Variants in EPHA5 observed in about 807,000 individuals in gnomAD.
The protein encoded by EPHA5 is ephrin type-A receptor 5.
In EPHA5, 60 loss-of-function variants were observed where a neutral mutation model predicts 105.0. The observed-to-expected ratio is 0.57, with a 90% CI of 0.46 to 0.71. The LOEUF is 0.71. Among genes scored for constraint, EPHA5 ranks in the 30% least tolerant of loss-of-function variants. The probability of loss-of-function intolerance (pLI) is 0.00; values close to 1 mark genes in which losing one functional copy is unlikely to be tolerated. For synonymous variants in EPHA5, 513 were observed against 449.1 expected, an observed-to-expected ratio of 1.14 and a Z score of -1.80; for missense variants, 1,218 against 1,274.7, an observed-to-expected ratio of 0.96 and a Z score of 0.68.
intron 1 of EPHA5, among the ~76,000 whole-genome samples, chr4:65,667,537 G>A (rs570396220): frequency 6.6e-6 from 1 of 152,140 alleles, no homozygotes; most frequent in South Asian, 2.1e-4. Context: ...GACTAGATGA[G>A]GTAAGACAAT....
At chr4:65,386,023 A>G (rs759668377) in intron 8 of EPHA5, among the ~76,000 whole-genome samples, 4 of 151,896 alleles carry the variant, frequency 2.6e-5, no homozygotes, top group Admixed American at 6.6e-5. Flanking sequence ...GAGTACTCAC[A>G]TAAGTCTTTG....
In EPHA5 at chr4:65,332,123, G is replaced by A. The variant is rs776432090; in HGVS notation, c.2795C>T (p.Ser932Phe). The part of the protein sequence containing the change: ...KTLVNASCRV[S>F]NLLAEHSPLG... ...TGGGCTATGTTCTGCCAATAAATTA[G>A]ATACTCTAAAACACATAAAACATAA... is the stretch of plus-strand genomic sequence containing the variant. The change falls in exon 16 of 17, where the codon TCT becomes TTT. Residue 932 changes from serine to phenylalanine, a missense_variant. Ser to Phe is a radical substitution (Grantham distance 155). Transcript: ENST00000613740. 6.3e-7 allele frequency: 1 copy of A among 1,596,564 alleles called. No individual in the cohort carries two copies. The highest frequency in any genetic ancestry group is 8.5e-7 in the Non-Finnish European group (1 of 1,172,870).
At chr4:65,454,269 A>T (rs1727354735) in intron 5 of EPHA5, among the ~76,000 whole-genome samples, 1 of 151,864 alleles carries the variant, frequency 6.6e-6, no homozygotes, top group African/African-American at 2.4e-5. Context: ...GACAAGAGCA[A>T]AACTCCATCT....
rs1320378271 is a variant in EPHA5, at chr4:65,489,044, C to G, written c.1402+1333G>C. On this transcript the variant is annotated intron_variant, in intron 5 of 16. Transcript: ENST00000613740. The stretch of plus-strand genomic sequence containing the variant: ...GGGACTACAGGCACCCACCACCATG[C>G]CCGGCTAATTTTTTTTATTATTATT... Among the ~76,000 whole-genome samples the G allele has an allele frequency of 4.0e-5, 6 of 151,088 alleles. No individual in the cohort carries two copies. In the East Asian group the frequency reaches 1.2e-3, roughly 30 times the overall value.
intron 9 of EPHA5, among the ~76,000 whole-genome samples, chr4:65,366,971 A>T (rs898628348): frequency 6.6e-6 from 1 of 151,816 alleles, no homozygotes; most frequent in Admixed American, 6.6e-5. Flanking sequence ...CTAGAAGAAA[A>T]AAAAAACCTG....
rs1023056773 is a variant in EPHA5 at position 65,662,477 on chromosome 4, A to G, written c.181+7085T>C. ...ACTAAAACATAATTAGAATTATCAC[A>G]GACACTTTAATCCCAATTATTTAAT... On this transcript the variant is annotated intron_variant, in intron 1 of 16. Coordinates refer to ENST00000613740, the MANE Select transcript of EPHA5 (RefSeq NM_001281766.3). Among the ~76,000 whole-genome samples, 4 of 152,284 alleles carry G rather than the reference A, an allele frequency of 2.6e-5. No homozygotes were observed. In the East Asian group the frequency reaches 7.7e-4, roughly 29 times the overall value.
intron 8 of EPHA5, among the ~76,000 whole-genome samples, chr4:65,396,905 A>G (rs1417270222): frequency 3.9e-5 from 6 of 152,190 alleles, no homozygotes; most frequent in Non-Finnish European, 5.9e-5. Context: ...CTTTTACAAT[A>G]GGAATCAGAA....
chr4:65,496,016 A>G (rs1002280447), intron 3 of EPHA5, among the ~76,000 whole-genome samples: 1 of 152,196 alleles, frequency 6.6e-6, no homozygotes, highest in Non-Finnish European at 1.5e-5. Context: ...TGCCTCATGA[A>G]TTCTGTTAGA....
chr4:65,590,639 A>G (rs975279240), intron 3 of EPHA5, among the ~76,000 whole-genome samples: 1 of 152,166 alleles, frequency 6.6e-6, no homozygotes, highest in Non-Finnish European at 1.5e-5. Context: ...TATGAGTAGC[A>G]TAAATTGGAG....
At chr4:65,656,675 G>C (rs1749094148) in intron 1 of EPHA5, among the ~76,000 whole-genome samples, 1 of 150,028 alleles carries the variant, frequency 6.7e-6, no homozygotes, top group East Asian at 2.0e-4. Flanking sequence ...GTGAAGAGGA[G>C]TGATCAGGGC....
chr4:65,406,720 T>C (rs1260878471), intron 7 of EPHA5, among the ~76,000 whole-genome samples: 2 of 152,138 alleles, frequency 1.3e-5, no homozygotes, highest in Non-Finnish European at 2.9e-5. Flanking sequence ...AATCCTTTCA[T>C]TTTTTTAGAA....
At chr4:65,505,313 C>T (rs1236986828) in intron 3 of EPHA5, among the ~76,000 whole-genome samples, 1 of 151,972 alleles carries the variant, frequency 6.6e-6, no homozygotes, top group Non-Finnish European at 1.5e-5. Context: ...TTGACACAAA[C>T]ATACTATTAA....
chr4:65,432,152 A>G (rs1223650892), intron 5 of EPHA5, among the ~76,000 whole-genome samples: 11 of 152,180 alleles, frequency 7.2e-5, no homozygotes, highest in African/African-American at 2.7e-4. Context: ...TTAATGATTA[A>G]CTGTACATTT....
chr4:65,664,987 T>C (rs958560140), intron 1 of EPHA5, among the ~76,000 whole-genome samples: 4 of 151,928 alleles, frequency 2.6e-5, no homozygotes, highest in Non-Finnish European at 5.9e-5. Context: ...CTAACTTAAA[T>C]TGGAACTATT....
In EPHA5 at chr4:65,638,631, C is replaced by G. The variant is rs572902064; in HGVS notation, c.246+4732G>C. On this transcript the variant is annotated intron_variant, in intron 2 of 16. Coordinates refer to ENST00000613740, the MANE Select transcript of EPHA5 (RefSeq NM_001281766.3). ...GCACATGCCTGTAATCCCAGCTACT[C>G]GGAAGGCTGAGGCAGGAGAATTGCT... Among the ~76,000 whole-genome samples the G allele has an allele frequency of 2.2e-4, 34 of 152,164 alleles. No individual in the cohort carries two copies. The South Asian group carries it at 3.1e-3, about 14-fold the overall frequency.
At chr4:65,574,077 G>A (rs1482421201) in intron 3 of EPHA5, 47 of 1,605,064 alleles carry the variant, frequency 2.9e-5, no homozygotes, top group Non-Finnish European at 3.8e-5. Flanking sequence ...TATCAGCAAT[G>A]TAAAAATCCC....
chr4:65,427,070 G>GA (rs142192856), intron 5 of EPHA5, among the ~76,000 whole-genome samples: 10,822 of 150,604 alleles, frequency 0.072, 618 homozygotes, highest in African/African-American at 0.15. Context: ...AGAGTTACTG[G>GA]AAAAAAAGTC....
chr4:65,478,058 G>T (rs1467328168), intron 5 of EPHA5, among the ~76,000 whole-genome samples: 1 of 152,172 alleles, frequency 6.6e-6, no homozygotes, highest in Non-Finnish European at 1.5e-5. Flanking sequence ...ATATTAATTG[G>T]ATTAGAATCC....
intron 2 of EPHA5, among the ~76,000 whole-genome samples, chr4:65,641,105 A>T (rs62297722): frequency 0.24 from 37,178 of 152,032 alleles, 5,270 homozygotes; most frequent in East Asian, 0.57. Context: ...GAGTTCTCAA[A>T]CATGTCAAAT....
Sources: allele counts gnomAD v4.1 joint callset (sites outside exome capture counted in the v4.1 genomes callset), GRCh38; gene constraint gnomAD v4.1.1; transcripts MANE v1.5; gene names NCBI Gene and HGNC (gene_info 2026-07-23, HGNC 2026-07-21).